The following PPP1R7 variants were observed in gnomAD, a reference collection of about 807,000 sequenced individuals.
The protein encoded by PPP1R7 is protein phosphatase 1 regulatory subunit 7.
In PPP1R7, 18 loss-of-function variants were observed where a neutral mutation model predicts 45.2. That is an observed-to-expected ratio of 0.40 (90% confidence interval 0.28 to 0.59). The LOEUF (loss-of-function observed/expected upper bound fraction) is 0.59. Ranked by LOEUF, PPP1R7 falls within the 20% of genes least tolerant of loss-of-function variation. The probability of loss-of-function intolerance (pLI) is 0.46; values close to 1 mark genes in which losing one functional copy is unlikely to be tolerated. For missense variants in PPP1R7, 314 were observed against 455.8 expected, an observed-to-expected ratio of 0.69 and a Z score of 2.83; for synonymous variants, 181 against 183.4, an observed-to-expected ratio of 0.99 and a Z score of 0.11.
chr2:241,176,907 A>G (rs1466124058), intron 9 of PPP1R7, among the ~76,000 whole-genome samples: 1 of 152,190 alleles, frequency 6.6e-6, no homozygotes, highest in Non-Finnish European at 1.5e-5. Flanking sequence ...GTTTCATACA[A>G]GTTTTCTGTA....
intron 1 of PPP1R7, among the ~76,000 whole-genome samples, chr2:241,152,346 T>C (rs1297389703): frequency 6.6e-6 from 1 of 152,186 alleles, no homozygotes; most frequent in African/African-American, 2.4e-5. Flanking sequence ...ACTCAAAAGA[T>C]CAGATTTGGA....
intron 9 of PPP1R7, among the ~76,000 whole-genome samples, chr2:241,177,383 C>CTCTA (rs1295475496): frequency 6.6e-6 from 1 of 151,626 alleles, no homozygotes; most frequent in Admixed American, 6.6e-5. Flanking sequence ...TGCCACTGCA[C>CTCTA]TCTAGCCTGG....
rs200234172 is a variant in PPP1R7 at position 241,153,620 on chromosome 2, C to T, written c.181+16C>T. The T allele has an allele frequency of 2.5e-6, 4 of 1,611,868 alleles. No individual in the cohort carries two copies. In the South Asian group the frequency reaches 4.4e-5, roughly 18 times the overall value. On this transcript the variant is annotated intron_variant, in intron 2 of 9. Transcript: ENST00000234038. ...GACCCAGAAGGTACCAGGCCCAGCTCCCTTGGGGACATCTGCTGGTTGGGG... is the reference window on the plus strand; with the variant it reads ...GACCCAGAAGGTACCAGGCCCAGCTTCCTTGGGGACATCTGCTGGTTGGGG...
At chr2:241,152,496 G>A (rs1319147183) in intron 1 of PPP1R7, among the ~76,000 whole-genome samples, 1 of 152,216 alleles carries the variant, frequency 6.6e-6, no homozygotes, top group Non-Finnish European at 1.5e-5. Flanking sequence ...TGCGGGGGTA[G>A]GGAAGAAGAG....
rs367635422 is a variant in PPP1R7 at position 241,150,735 on chromosome 2, G to T, written c.52+188G>T. ...TGGACCTCGGGGGAGCCCCGGCCCG[G>T]GGGCGGCAGCGGCCGGGAAGGACCC... On this transcript the variant is annotated intron_variant, in intron 1 of 9. Transcript: ENST00000234038. Among the ~76,000 whole-genome samples the T allele has an allele frequency of 6.5e-3, 991 of 152,302 alleles. 10 individuals carry two copies. The highest frequency in any genetic ancestry group is 0.022 in the African/African-American group (917 of 41,580).
chr2:241,153,301 G>A (rs527537308), intron 1 of PPP1R7, among the ~76,000 whole-genome samples, 175 bp from the exon 2 acceptor site: 11 of 152,270 alleles, frequency 7.2e-5, no homozygotes, highest in East Asian at 1.9e-4. Context: ...CATTCTCCCC[G>A]CGGCCATATG....
chr2:241,150,256 C>T, upstream of PPP1R7: 8 of 1,293,766 alleles, frequency 6.2e-6, no homozygotes, highest in Non-Finnish European at 7.8e-6. Flanking sequence ...CTTTCCTTCC[C>T]AGCTTCTCGC....
At chr2:241,151,367 T>TA in intron 1 of PPP1R7, 1 of 457,440 alleles carries the variant, frequency 2.2e-6, no homozygotes, top group Non-Finnish European at 4.6e-6. Context: ...GGAAGAGGAA[T>TA]GTGGAGCTGG....
chr2:241,163,991 A>T (rs183298957), intron 7 of PPP1R7, among the ~76,000 whole-genome samples: 2 of 152,068 alleles, frequency 1.3e-5, no homozygotes, highest in African/African-American at 4.8e-5. Context: ...TTCATAGCTC[A>T]CTATAGCCTC....
rs550896327 is a variant in PPP1R7, at chr2:241,164,366, A to C, written c.714+965A>C. Among the ~76,000 whole-genome samples the C allele has an allele frequency of 3.3e-5, 5 of 152,258 alleles. No individual in the cohort carries two copies. The South Asian group carries it at 1.0e-3, about 32-fold the overall frequency. ...TCCTTCCATTGCACAGAGAATATCA[A>C]CCCTGTTAGACTTCTGCATTTGGGA... On this transcript the variant is annotated intron_variant, in intron 7 of 9. Transcript: ENST00000234038.
At chr2:241,182,370 C>T (rs1451337095) in intron 9 of PPP1R7, among the ~76,000 whole-genome samples, 7 of 152,348 alleles carry the variant, frequency 4.6e-5, no homozygotes, top group South Asian at 4.1e-4. Context: ...GTGGCCAGAA[C>T]TGCTTTGTCC....
chr2:241,152,885 C>G (rs1386476536), intron 1 of PPP1R7, among the ~76,000 whole-genome samples: 3 of 152,204 alleles, frequency 2.0e-5, no homozygotes, highest in African/African-American at 7.2e-5. Context: ...AACACTCTGT[C>G]CAGTGTCCAG....
In PPP1R7 at chr2:241,182,961, C is replaced by T; in HGVS notation, c.*138C>T. 1.0e-6 allele frequency: 1 copy of T among 973,718 alleles called. No homozygotes were observed. The highest frequency in any genetic ancestry group is 1.5e-6 in the Non-Finnish European group (1 of 673,392). The allele number at this position is 973,718 out of a possible 1,614,324, so 60.3% of individuals were successfully genotyped here. ...ATGGCAATAAAGGCACTGACGATAG[C>T]TGGCGCGCGCGACGTCACACACCAT... On this transcript the variant is annotated 3_prime_UTR_variant, in exon 10 of 10. Transcript: ENST00000234038.
chr2:241,158,613 C>A, intron 4 of PPP1R7, 64 bp downstream of exon 4: 2 of 1,512,412 alleles, frequency 1.3e-6, no homozygotes, highest in Non-Finnish European at 1.8e-6. Context: ...AGTCCAGAAT[C>A]GAGCAGTCAG....
At chr2:241,182,242 T>A (rs984636054) in intron 9 of PPP1R7, among the ~76,000 whole-genome samples, 1 of 152,244 alleles carries the variant, frequency 6.6e-6, no homozygotes, top group Non-Finnish European at 1.5e-5. Context: ...GGCCTCTGTC[T>A]GCTGTGTCAC....
intron 7 of PPP1R7, among the ~76,000 whole-genome samples, chr2:241,166,116 A>T (rs1401707698): frequency 7.0e-6 from 1 of 142,856 alleles, no homozygotes; most frequent in Non-Finnish European, 1.6e-5. Flanking sequence ...GTTAGCCAGG[A>T]TGGTCTCGAT....
intron 9 of PPP1R7, 78 bp downstream of exon 9, chr2:241,169,945 A>G: frequency 1.7e-6 from 2 of 1,207,122 alleles, no homozygotes; most frequent in Non-Finnish European, 2.4e-6. Flanking sequence ...ATGAATGAAT[A>G]CAAGAATCTC....
intron 7 of PPP1R7, among the ~76,000 whole-genome samples, chr2:241,165,485 A>G (rs1325563672): frequency 6.6e-6 from 1 of 152,078 alleles, no homozygotes; most frequent in Non-Finnish European, 1.5e-5. Flanking sequence ...AATTCTTTAT[A>G]TAAAAAACAT....
At chr2:241,167,959 C>T (rs146748223) in intron 8 of PPP1R7, among the ~76,000 whole-genome samples, 131 of 152,250 alleles carry the variant, frequency 8.6e-4, no homozygotes, top group Middle Eastern at 3.4e-3. Context: ...GGAACTTAGA[C>T]GACACCCCCC....
Sources: gnomAD v4.1 joint callset for allele counts (sites outside exome capture counted in the v4.1 genomes callset) on GRCh38, gnomAD v4.1.1 for gene constraint, MANE v1.5 for transcripts, NCBI Gene and HGNC (gene_info 2026-07-23, HGNC 2026-07-21) for gene names.